The following STXBP4 variants were observed in gnomAD, a reference collection of about 807,000 sequenced individuals.
STXBP4 encodes syntaxin-binding protein 4.
Under a neutral mutation model 76.1 loss-of-function variants are expected in STXBP4, and 55 were observed. That is an observed-to-expected ratio of 0.72 (90% confidence interval 0.58 to 0.91). The LOEUF is 0.91. Ranked by LOEUF, STXBP4 falls within the 40% of genes least tolerant of loss-of-function variation. STXBP4 has a pLI of 0.00. For synonymous variants in STXBP4, 201 were observed against 220.2 expected (o/e 0.91, Z 0.77); for missense variants, 618 against 636.9 (o/e 0.97, Z 0.32).
the STXBP4 span, among the ~76,000 whole-genome samples, chr17:55,190,888 G>T: frequency 1.3e-5 from 2 of 152,164 alleles, no homozygotes; most frequent in Non-Finnish European, 1.5e-5. Context: ...CTGCTGACTT[G>T]CTCACATTTC....
chr17:55,146,952 T>C (rs1024554643), intron 17 of STXBP4, among the ~76,000 whole-genome samples: 1 of 152,150 alleles, frequency 6.6e-6, no homozygotes, highest in Non-Finnish European at 1.5e-5. Context: ...TGATCTACCA[T>C]CACTTCTGCT....
intron 4 of STXBP4, among the ~76,000 whole-genome samples, chr17:54,995,790 G>C (rs1360267504): frequency 1.3e-5 from 2 of 152,184 alleles, no homozygotes; most frequent in Non-Finnish European, 2.9e-5. Flanking sequence ...GGTTCGCTTT[G>C]CAGTGTCACT....
the STXBP4 span, among the ~76,000 whole-genome samples, chr17:55,198,718 C>T: frequency 6.6e-6 from 1 of 152,190 alleles, no homozygotes; most frequent in Admixed American, 6.5e-5. Context: ...AATATCAGCA[C>T]CCTTTTCTCA....
rs552085350 is a variant in STXBP4 at position 55,088,790 on chromosome 17, G to A, written c.1489+7607G>A. Among the ~76,000 whole-genome samples, 44 of 152,154 alleles carry A rather than the reference G, an allele frequency of 2.9e-4. 2 individuals carry two copies. Among genetic ancestry groups the A allele is most frequent in the Non-Finnish European group, 1.5e-4 (10 of 67,992 alleles). On this transcript the variant is annotated intron_variant, in intron 16 of 17. Coordinates refer to ENST00000376352, the MANE Select transcript of STXBP4 (RefSeq NM_178509.6). The stretch of plus-strand genomic sequence containing the variant: ...GAAATGTGAGATTATACACATTTTG[G>A]ATCCATTTTCAGAGTATTTATGAAC...
intron 16 of STXBP4, among the ~76,000 whole-genome samples, chr17:55,111,433 C>T (rs1010822999): frequency 3.3e-5 from 5 of 152,120 alleles, no homozygotes; most frequent in African/African-American, 4.8e-5. Context: ...ATATTTGTCC[C>T]CCCAGATCTC....
At chr17:55,011,508 C>CTTTCTTTT (rs1555566817) in intron 8 of STXBP4, among the ~76,000 whole-genome samples, 1 of 85,926 alleles carries the variant, frequency 1.2e-5, no homozygotes, top group Non-Finnish European at 2.0e-5. Context: ...TTTTCTTTTT[C>CTTTCTTTT]TTTTTTTTTT....
intron 16 of STXBP4, among the ~76,000 whole-genome samples, chr17:55,091,290 T>C (rs1199678899): frequency 6.6e-6 from 1 of 152,098 alleles, no homozygotes; most frequent in Non-Finnish European, 1.5e-5. Context: ...ATTTGGAAGG[T>C]TTTTTTGAAA....
chr17:55,150,494 T>C lies in STXBP4; in HGVS notation c.1547+9127T>C, dbSNP rs141641072. ...TCTCCAAATACAGCCACGCTGGGGT[T>C]TGGAGATTCAACATATGAATTTAGG... is the stretch of plus-strand genomic sequence containing the variant. On this transcript the variant is annotated intron_variant, in intron 17 of 17. Transcript: ENST00000376352. Among the ~76,000 whole-genome samples the C allele has an allele frequency of 3.2e-3, 487 of 152,340 alleles. 4 individuals carry two copies. Among genetic ancestry groups the C allele is most frequent in the African/African-American group, 0.011 (473 of 41,586 alleles).
intron 16 of STXBP4, among the ~76,000 whole-genome samples, chr17:55,092,334 A>G (rs1003417963): frequency 6.6e-6 from 1 of 151,694 alleles, no homozygotes; most frequent in Non-Finnish European, 1.5e-5. Context: ...AAATGAAATG[A>G]AATACATAAC....
intron 16 of STXBP4, among the ~76,000 whole-genome samples, chr17:55,130,094 G>A (rs773636962): frequency 6.6e-6 from 1 of 151,984 alleles, no homozygotes; most frequent in Non-Finnish European, 1.5e-5. Context: ...CCCAGCTGAT[G>A]GCCAGCAAAA....
chr17:55,053,571 A>ATTT (rs1194976095), intron 12 of STXBP4, among the ~76,000 whole-genome samples: 3 of 152,128 alleles, frequency 2.0e-5, no homozygotes, highest in Non-Finnish European at 4.4e-5. Context: ...GGATATGAGG[A>ATTT]TATTCTTTAT....
intron 3 of STXBP4, 74 bp downstream of exon 3, chr17:54,986,340 GT>G: frequency 4.2e-6 from 5 of 1,195,210 alleles, no homozygotes; most frequent in Non-Finnish European, 6.0e-6. Context: ...TTGATTAAAA[GT>G]TTTTTTACAT....
the STXBP4 span, among the ~76,000 whole-genome samples, chr17:55,178,847 C>T: frequency 1.3e-5 from 2 of 152,268 alleles, no homozygotes; most frequent in South Asian, 4.1e-4. Context: ...TCCAGACCTT[C>T]AATGGAGGAA....
At chr17:55,034,368 T>C in intron 10 of STXBP4, 109 bp downstream of exon 10, 1 of 620,380 alleles carries the variant, frequency 1.6e-6, no homozygotes, top group Non-Finnish European at 2.6e-6. Flanking sequence ...TAATACATGT[T>C]TCTTGGATAA....
chr17:55,073,121 C>G, intron 13 of STXBP4, 45 bp downstream of exon 13: 4 of 1,572,602 alleles, frequency 2.5e-6, no homozygotes, highest in Non-Finnish European at 3.5e-6. Context: ...GTTTCCTTGC[C>G]GTTGTCATGT....
At chr17:55,017,522 G>T (rs1375619035) in intron 8 of STXBP4, among the ~76,000 whole-genome samples, 1 of 152,216 alleles carries the variant, frequency 6.6e-6, no homozygotes, top group Non-Finnish European at 1.5e-5. Flanking sequence ...AGGAGGCAGG[G>T]ATCAGAGGAA....
At chr17:55,117,146 C>G (rs919711521) in intron 16 of STXBP4, among the ~76,000 whole-genome samples, 3 of 151,654 alleles carry the variant, frequency 2.0e-5, no homozygotes, top group Non-Finnish European at 4.4e-5. Flanking sequence ...TCTTGGTAGG[C>G]AAAAACTGTG....
chr17:55,060,671 T>C (rs928353466), intron 12 of STXBP4, among the ~76,000 whole-genome samples: 2 of 152,204 alleles, frequency 1.3e-5, no homozygotes, highest in Non-Finnish European at 2.9e-5. Context: ...TACTGTTCTC[T>C]AAAACTCAAG....
chr17:55,212,941 ACCCTAAGGAAGAGTGTAGGATG>A, the STXBP4 span, among the ~76,000 whole-genome samples: 2 of 152,098 alleles, frequency 1.3e-5, no homozygotes, highest in Non-Finnish European at 2.9e-5. Flanking sequence ...ACACGCATGA[ACCCTAAGGAAGAGTGTAGGATG>A]CTTGCTTCTC....
Sources: allele counts gnomAD v4.1 joint callset (sites outside exome capture counted in the v4.1 genomes callset), GRCh38; gene constraint gnomAD v4.1.1; transcripts MANE v1.5; gene names NCBI Gene and HGNC (gene_info 2026-07-23, HGNC 2026-07-21).